CMTM3: variants seen among roughly 807,000 people sequenced by gnomAD.
CMTM3 encodes CKLF-like MARVEL transmembrane domain-containing protein 3.
A neutral mutation model predicts 18.2 loss-of-function variants in CMTM3; 7 were observed. That is an observed-to-expected ratio of 0.38 (90% CI 0.22 to 0.72). The LOEUF (loss-of-function observed/expected upper bound fraction) is 0.72. Ranked by LOEUF, CMTM3 falls within the 30% of genes least tolerant of loss-of-function variation. The pLI is 0.46. For missense variants in CMTM3, 227 were observed against 249.2 expected (o/e 0.91, Z 0.60); for synonymous variants, 109 against 111.2 (o/e 0.98, Z 0.12).
In CMTM3 at chr16:66,604,827, C is replaced by T. The variant is rs1430727153; in HGVS notation, c.22C>T (p.Pro8Ser). 1 of 1,315,202 alleles carries T rather than the reference C, an allele frequency of 7.6e-7. No individual in the cohort carries two copies. 81.5% of individuals were successfully genotyped at this position (1,315,202 alleles called of 1,614,324 possible). A position where few individuals can be genotyped will look rare whatever the true frequency, so the allele number is the denominator to read the frequency against. ...CGCCATGTGGCCCCCAGACCCCGAC[C>T]CCGACCCGGACCCCGAGCCTGCCGG... MWPPDPD[P>S]DPDPEPAGGS... The change falls in exon 1 of 5, where the codon CCC (proline) becomes TCC (serine). Residue 8 changes from proline (P) to serine (S), a missense_variant. Coordinates refer to ENST00000567572, the MANE Select transcript of CMTM3 (RefSeq NM_181553.4).
Position 66,612,849 on chromosome 16 carries a change from G to A in CMTM3, c.*212G>A. On this transcript the variant is annotated 3_prime_UTR_variant, in exon 5 of 5. Transcript: ENST00000567572. This position sits in a 1 kb window ranked among gnomAD's most constrained non-coding sequence, Gnocchi z 6.0. Reference sequence around the variant, plus strand: ...ACTGTTGACCACGCTGCGTATGAGGGCATCTTGGGTATCCCACTCCTTCTC... The same window carrying A: ...ACTGTTGACCACGCTGCGTATGAGGACATCTTGGGTATCCCACTCCTTCTC... 1 of 610,830 alleles carries A rather than the reference G, an allele frequency of 1.6e-6. No individual in the cohort carries two copies. Among genetic ancestry groups the A allele is most frequent in the East Asian group, 2.7e-5 (1 of 36,478 alleles). The allele number at this position is 610,830 out of a possible 1,614,324, so 37.8% of individuals were successfully genotyped here.
intron 4 of CMTM3, among the ~76,000 whole-genome samples, chr16:66,611,748 C>T (rs1473412864): frequency 6.6e-6 from 1 of 152,062 alleles, no homozygotes; most frequent in African/African-American, 2.4e-5. Flanking sequence ...AGCTCCGAGA[C>T]AGAACTGGGA....
intron 4 of CMTM3, chr16:66,611,098 G>A (rs983695094): frequency 3.1e-5 from 12 of 389,372 alleles, no homozygotes; most frequent in Non-Finnish European, 5.0e-5. Context: ...TTACTATTTG[G>A]AGAGTTTCAC....
chr16:66,605,212 G>A lies in CMTM3; in HGVS notation c.147+260G>A, dbSNP rs1217575667. 8 of 358,322 alleles carry A rather than the reference G, an allele frequency of 2.2e-5. No individual in the cohort carries two copies. Among genetic ancestry groups the A allele is most frequent in the Non-Finnish European group, 4.0e-5 (8 of 198,294 alleles). 22.2% of individuals were successfully genotyped at this position (358,322 alleles called of 1,614,324 possible). A position where few individuals can be genotyped will look rare whatever the true frequency, so the allele number is the denominator to read the frequency against. On this transcript the variant is annotated intron_variant, in intron 1 of 4. Coordinates refer to ENST00000567572, the MANE Select transcript of CMTM3 (RefSeq NM_181553.4). This position sits in a 1 kb window ranked among gnomAD's most constrained non-coding sequence, Gnocchi z 4.6. ...CAGAGCTGGGGGCCGTGGGAAGTGGGTGGGGCCCGGGGATGTGGGTCCTGC... is the reference window on the plus strand; with the variant it reads ...CAGAGCTGGGGGCCGTGGGAAGTGGATGGGGCCCGGGGATGTGGGTCCTGC...
At position 66,609,981 on chromosome 16, in the gene CMTM3, GACC is replaced by G. The variant is rs1319004480; in HGVS notation, c.501_503del (p.Thr168del). The stretch of plus-strand genomic sequence containing the variant: ...TCAAACAAGGGGACTCTGCAGATGA[GACC>G]ACAGCCCACAAGACAGAAGGTAAGC... On this transcript the variant is annotated inframe_deletion, in exon 4 of 5. Transcript: ENST00000567572. The surrounding 1 kb of genome is among the most constrained non-coding windows in gnomAD (Gnocchi z 4.4). The G allele has an allele frequency of 6.2e-7, 1 of 1,614,056 alleles. No homozygotes were observed. Among genetic ancestry groups the G allele is most frequent in the African/African-American group, 1.3e-5 (1 of 74,914 alleles).
In CMTM3 at chr16:66,605,035, C is replaced by CG; in HGVS notation, c.147+88dup. On this transcript the variant is annotated intron_variant, in intron 1 of 4. Transcript: ENST00000567572. This position sits in a 1 kb window ranked among gnomAD's most constrained non-coding sequence, Gnocchi z 4.6. ...AGGACGTCGGGGCGCGGGTGGGGTCCGGGGGCGGCCGCCGTGCTCCGATAC... is the reference window on the plus strand; with the variant it reads ...AGGACGTCGGGGCGCGGGTGGGGTCCGGGGGGCGGCCGCCGTGCTCCGATAC... 2 of 1,238,944 alleles carry CG rather than the reference C, an allele frequency of 1.6e-6. No homozygotes were observed. Among genetic ancestry groups the CG allele is most frequent in the Non-Finnish European group, 2.1e-6 (2 of 961,766 alleles). 76.7% of individuals were successfully genotyped at this position (1,238,944 alleles called of 1,614,324 possible). A position where few individuals can be genotyped will look rare whatever the true frequency, so the allele number is the denominator to read the frequency against.
At chr16:66,611,928 C>T (rs779046651) in intron 4 of CMTM3, among the ~76,000 whole-genome samples, 2 of 152,026 alleles carry the variant, frequency 1.3e-5, no homozygotes, top group Non-Finnish European at 2.9e-5. Context: ...AAGAAAATAG[C>T]TGTCCTCACC....
At chr16:66,607,861 C>T (rs1216060903) in intron 1 of CMTM3, among the ~76,000 whole-genome samples, 6 of 150,204 alleles carry the variant, frequency 4.0e-5, no homozygotes, top group East Asian at 2.0e-4. Flanking sequence ...GGGGCGGGTG[C>T]GGACAGGGTC....
Position 66,609,511 on chromosome 16 carries a change from G to C in CMTM3, c.380G>C (p.Gly127Ala). The C allele has an allele frequency of 6.2e-7, 1 of 1,605,876 alleles. No individual in the cohort carries two copies. The highest frequency in any genetic ancestry group is 1.1e-5 in the South Asian group (1 of 89,474). Reference sequence around the variant, plus strand: ...ACGGCCATCGCCAAGTACTCGGATGGGGCTTCCAAAGCCGCTGGGGTGAGC... The same window carrying C: ...ACGGCCATCGCCAAGTACTCGGATGCGGCTTCCAAAGCCGCTGGGGTGAGC... The part of the protein sequence containing the change: ...SITAIAKYSD[G>A]ASKAAGVFGF... Residue 127 changes from glycine to alanine, a missense_variant, in exon 3 of 5, where the codon GGG becomes GCG. Coordinates refer to ENST00000567572, the MANE Select transcript of CMTM3 (RefSeq NM_181553.4). This position sits in a 1 kb window ranked among gnomAD's most constrained non-coding sequence, Gnocchi z 4.4.
chr16:66,612,136 C>T lies in CMTM3; in HGVS notation c.521-473C>T, dbSNP rs1402709735. Among the ~76,000 whole-genome samples the T allele has an allele frequency of 6.6e-6, 1 of 152,138 alleles. No individual in the cohort carries two copies. On this transcript the variant is annotated intron_variant, in intron 4 of 4. Coordinates refer to ENST00000567572, the MANE Select transcript of CMTM3 (RefSeq NM_181553.4). This position sits in a 1 kb window ranked among gnomAD's most constrained non-coding sequence, Gnocchi z 6.0. ...TGGAGGTGCAAGTGGCTTCTGCGGC[C>T]GGGCACGGTGGCTCACGCCTGTTAC...
In CMTM3 at chr16:66,609,337, C is replaced by A; in HGVS notation, c.304-98C>A. 1 of 1,036,608 alleles carries A rather than the reference C, an allele frequency of 9.6e-7. No homozygotes were observed. Among genetic ancestry groups the A allele is most frequent in the Non-Finnish European group, 1.4e-6 (1 of 696,570 alleles). The allele number at this position is 1,036,608 out of a possible 1,614,324, so 64.2% of individuals were successfully genotyped here. ...AGGATGGGATAGGAGCCCTCAGGTG[C>A]TAGGCCTGGGGCTGGGAACACGACC... is the stretch of plus-strand genomic sequence containing the variant. On this transcript the variant is annotated intron_variant, in intron 2 of 4. Transcript: ENST00000567572. The surrounding 1 kb of genome is among the most constrained non-coding windows in gnomAD (Gnocchi z 4.4).
At chr16:66,611,058 C>T (rs2015358097) in intron 4 of CMTM3, 1 of 396,810 alleles carries the variant, frequency 2.5e-6, no homozygotes, top group East Asian at 3.6e-5. Context: ...TCAGTGGAAA[C>T]TTGGGTGGTT....
Position 66,605,853 on chromosome 16 carries a change from G to C in CMTM3, c.147+901G>C, listed in dbSNP as rs981912940. Among the ~76,000 whole-genome samples, 3 of 152,168 alleles carry C rather than the reference G, an allele frequency of 2.0e-5. No individual in the cohort carries two copies. Among genetic ancestry groups the C allele is most frequent in the Non-Finnish European group, 4.4e-5 (3 of 68,026 alleles). On this transcript the variant is annotated intron_variant, in intron 1 of 4. Coordinates refer to ENST00000567572, the MANE Select transcript of CMTM3 (RefSeq NM_181553.4). This position sits in a 1 kb window ranked among gnomAD's most constrained non-coding sequence, Gnocchi z 4.6. ...CCCTGGTCACTCAGGGCAGAGGGCAGAAGGTGGTCCTGCAGCCTCTCCCAC... is the reference window on the plus strand; with the variant it reads ...CCCTGGTCACTCAGGGCAGAGGGCACAAGGTGGTCCTGCAGCCTCTCCCAC...
rs2015348261 is a variant in CMTM3, at chr16:66,610,791, G to A, written c.520+788G>A. ...GGCCTGCAGGCCCCACCCTGTGGTTGGGATCTTCCCTAGGCAGGACCAGTA... is the reference window on the plus strand; with the variant it reads ...GGCCTGCAGGCCCCACCCTGTGGTTAGGATCTTCCCTAGGCAGGACCAGTA... On this transcript the variant is annotated intron_variant, in intron 4 of 4. Transcript: ENST00000567572. This position sits in a 1 kb window ranked among gnomAD's most constrained non-coding sequence, Gnocchi z 4.6. 1 of 398,550 alleles carries A rather than the reference G, an allele frequency of 2.5e-6. No individual in the cohort carries two copies. Among genetic ancestry groups the A allele is most frequent in the Non-Finnish European group, 4.4e-6 (1 of 226,146 alleles). 24.7% of individuals were successfully genotyped at this position (398,550 alleles called of 1,614,324 possible).
chr16:66,604,867 G>T lies in CMTM3; in HGVS notation c.62G>T (p.Gly21Val). ...GAGCCTGCCGGCGGCTCCCGTCCCG[G>T]CCCCGCGGTCCCCGGGCTCCGCGCC... The part of the protein sequence containing the change: ...DPEPAGGSRP[G>V]PAVPGLRALL... The change falls in exon 1 of 5, where the codon GGC (glycine) becomes GTC (valine). Residue 21 changes from glycine to valine, a missense_variant. Transcript: ENST00000567572. 1 of 1,407,074 alleles carries T rather than the reference G, an allele frequency of 7.1e-7. No individual in the cohort carries two copies. Among genetic ancestry groups the T allele is most frequent in the South Asian group, 1.5e-5 (1 of 66,530 alleles). 87.2% of individuals were successfully genotyped at this position (1,407,074 alleles called of 1,614,324 possible). A position where few individuals can be genotyped will look rare whatever the true frequency, so the allele number is the denominator to read the frequency against.
rs948621723 is a variant in CMTM3 at position 66,604,741 on chromosome 16, C to T, written c.-65C>T. The T allele has an allele frequency of 1.4e-5, 16 of 1,179,542 alleles. No individual in the cohort carries two copies. The highest frequency in any genetic ancestry group is 1.3e-4 in the Admixed American group (3 of 22,644). 73.1% of individuals were successfully genotyped at this position (1,179,542 alleles called of 1,614,324 possible). A position where few individuals can be genotyped will look rare whatever the true frequency, so the allele number is the denominator to read the frequency against. ...CCTCCTTCCGCACAGCCCGGGTTTC[C>T]GCTTCCCTCCGGGCGCGAGAAGAGG... On this transcript the variant is annotated 5_prime_UTR_variant, in exon 1 of 5. Transcript: ENST00000567572.
In CMTM3 at chr16:66,613,042, T is replaced by C. The variant is rs1185294725; in HGVS notation, c.*405T>C. 4 of 702,832 alleles carry C rather than the reference T, an allele frequency of 5.7e-6. No homozygotes were observed. Among genetic ancestry groups the C allele is most frequent in the Non-Finnish European group, 1.0e-5 (4 of 384,986 alleles). The allele number at this position is 702,832 out of a possible 1,614,324, so 43.5% of individuals were successfully genotyped here. On this transcript the variant is annotated 3_prime_UTR_variant, in exon 5 of 5. Coordinates refer to ENST00000567572, the MANE Select transcript of CMTM3 (RefSeq NM_181553.4). ...CTAACAGGAACAAAGACAGAAACCA[T>C]GACAGGGCTGCCCCGCCAGGCCCCG...
Position 66,604,845 on chromosome 16 carries a change from C to A in CMTM3, c.40C>A (p.Pro14Thr), listed in dbSNP as rs760528469. Residue 14 changes from proline (P) to threonine (T), a missense_variant, in exon 1 of 5, where the codon CCT (proline) becomes ACT (threonine). Coordinates refer to ENST00000567572, the MANE Select transcript of CMTM3 (RefSeq NM_181553.4). ...PDPDPDPDPE[P>T]AGGSRPGPAV... is the part of the protein sequence containing the mutation. ...CCCCGACCCCGACCCGGACCCCGAG[C>A]CTGCCGGCGGCTCCCGTCCCGGCCC... is the stretch of plus-strand genomic sequence containing the variant. The A allele has an allele frequency of 2.2e-5, 30 of 1,358,322 alleles. No individual in the cohort carries two copies. In the Admixed American group the frequency reaches 7.0e-4, roughly 32 times the overall value. 84.1% of individuals were successfully genotyped at this position (1,358,322 alleles called of 1,614,324 possible). A position where few individuals can be genotyped will look rare whatever the true frequency, so the allele number is the denominator to read the frequency against.
chr16:66,609,806 G>A lies in CMTM3; in HGVS notation c.400-77G>A. On this transcript the variant is annotated intron_variant, in intron 3 of 4. Transcript: ENST00000567572. The surrounding 1 kb of genome is among the most constrained non-coding windows in gnomAD (Gnocchi z 4.4). ...CTGTTTGTCCAAGCAGATCTGAAATGGGCCGTGAGGCTGGGGCAGCAGCCT... is the reference window on the plus strand; with the variant it reads ...CTGTTTGTCCAAGCAGATCTGAAATAGGCCGTGAGGCTGGGGCAGCAGCCT... 1 of 1,613,918 alleles carries A rather than the reference G, an allele frequency of 6.2e-7. No homozygotes were observed. Among genetic ancestry groups the A allele is most frequent in the Non-Finnish European group, 8.5e-7 (1 of 1,179,876 alleles).
Sources: allele counts gnomAD v4.1 joint callset (sites outside exome capture counted in the v4.1 genomes callset), GRCh38; gene constraint gnomAD v4.1.1; non-coding constraint Gnocchi (gnomAD v3.1); transcripts MANE v1.5; gene names NCBI Gene and HGNC (gene_info 2026-07-23, HGNC 2026-07-21).